The following NLRC3 variants were observed in gnomAD, a reference collection of about 807,000 sequenced individuals.
NLRC3 encodes NLR family CARD domain-containing protein 3.
A neutral mutation model predicts 91.6 loss-of-function variants in NLRC3; 87 were observed. The ratio of observed to expected loss-of-function variants is 0.95; its 90% confidence interval spans 0.80 to 1.14. The LOEUF (loss-of-function observed/expected upper bound fraction) is 1.14. Ranked by LOEUF, NLRC3 falls within the 50% of genes most tolerant of loss-of-function variation. The probability of loss-of-function intolerance (pLI) is 0.00; values close to 1 mark genes in which losing one functional copy is unlikely to be tolerated. For missense variants in NLRC3, 1,577 were observed against 1,418.6 expected, an observed-to-expected ratio of 1.11 and a Z score of -1.79; for synonymous variants, 694 against 625.3, an observed-to-expected ratio of 1.11 and a Z score of -1.64.
rs2151101650 is a variant in NLRC3, at chr16:3,564,995, C to G, written c.42G>C (p.Gln14His). The G allele has an allele frequency of 1.2e-6, 2 of 1,610,544 alleles. No homozygotes were observed. Among genetic ancestry groups the G allele is most frequent in the Middle Eastern group, 1.7e-4 (1 of 6,058 alleles). Residue 14 changes from glutamine (Q) to histidine (H), a missense_variant, in exon 4 of 20, where the codon CAG becomes CAC. Physicochemically the swap from Gln to His is conservative, Grantham distance 24. Transcript: ENST00000359128. This position sits in a 1 kb window ranked among gnomAD's most constrained non-coding sequence, Gnocchi z 5.9. ...QEVRTGREAG[Q>H]GHGTGSPAEQ... ...CGGCTGGGGAGCCCGTACCGTGGCC[C>G]TGGCCGGCCTCCCTGCCCGTCCGCA...
chr16:3,571,817 G>A (rs1241020059), intron 1 of NLRC3, among the ~76,000 whole-genome samples: 1 of 151,422 alleles, frequency 6.6e-6, no homozygotes, highest in African/African-American at 2.4e-5. Context: ...GCACGTGCCT[G>A]TAGTCCCGGC....
intron 1 of NLRC3, among the ~76,000 whole-genome samples, chr16:3,571,493 A>G (rs2040094590): frequency 1.3e-5 from 2 of 149,588 alleles, no homozygotes; most frequent in Admixed American, 6.7e-5. Context: ...GCAGTGAGCT[A>G]TGATTGTGCC....
intron 8 of NLRC3, among the ~76,000 whole-genome samples, chr16:3,556,225 G>C (rs2039312007): frequency 7.2e-6 from 1 of 138,756 alleles, no homozygotes. Flanking sequence ...CAGCTACTTG[G>C]AAGGCTGAGG....
Position 3,563,820 on chromosome 16 carries a change from T to G in NLRC3, c.1117A>C (p.Ser373Arg). ...TTGCCCTTCTCCTGCCCCTCCCCGC[T>G]GAGGGCCATCCTAAAGTACCATGAG... ...LYSWYFRMAL[S>R]GEGQEKGKAS... Residue 373 changes from serine (S) to arginine (R), a missense_variant, in exon 5 of 20, where the codon AGC (serine) becomes CGC (arginine). Physicochemically the swap from Ser to Arg is moderately radical, Grantham distance 110 (BLOSUM62 -1). Coordinates refer to ENST00000359128, the MANE Select transcript of NLRC3 (RefSeq NM_178844.4). 1 of 1,609,672 alleles carries G rather than the reference T, an allele frequency of 6.2e-7. No individual in the cohort carries two copies. The highest frequency in any genetic ancestry group is 8.5e-7 in the Non-Finnish European group (1 of 1,177,624).
rs1415592099 is a variant in NLRC3 at position 3,554,286 on chromosome 16, G to C, written c.2223C>G (p.Ser741=). The change falls in exon 9 of 20, where the codon TCC becomes TCG. Residue 741 remains serine, a synonymous_variant. Coordinates refer to ENST00000359128, the MANE Select transcript of NLRC3 (RefSeq NM_178844.4). ...GNTVRDDGAR[S]MAEALASNRT... is the part of the protein sequence containing the mutation. Reference sequence around the variant, plus strand: ...GGTTGGAGGCCAAGGCCTCAGCCATGGACCTGGCACCATCATCCCTAACGG... The same window carrying C: ...GGTTGGAGGCCAAGGCCTCAGCCATCGACCTGGCACCATCATCCCTAACGG... The C allele has an allele frequency of 3.1e-6, 5 of 1,613,866 alleles. No individual in the cohort carries two copies. The highest frequency in any genetic ancestry group is 3.4e-6 in the Non-Finnish European group (4 of 1,179,778).
At chr16:3,551,565 A>T (rs1206878841) in intron 10 of NLRC3, among the ~76,000 whole-genome samples, 1 of 149,890 alleles carries the variant, frequency 6.7e-6, no homozygotes, top group Non-Finnish European at 1.5e-5. Flanking sequence ...CCATCCACCA[A>T]TCCACCCATC....
At chr16:3,543,605 G>A (rs887186038) in intron 16 of NLRC3, 97 bp from the exon 17 acceptor site, 2 of 812,694 alleles carry the variant, frequency 2.5e-6, no homozygotes, top group South Asian at 2.9e-5. Context: ...AGGATGGAAA[G>A]TGGAGAAACA....
At chr16:3,572,308 T>TA (rs1359188611) in intron 1 of NLRC3, among the ~76,000 whole-genome samples, 3 of 152,148 alleles carry the variant, frequency 2.0e-5, no homozygotes, top group Admixed American at 2.0e-4. Flanking sequence ...GGGAAATTTT[T>TA]TTTTTTTTTG....
Position 3,557,613 on chromosome 16 carries a change from G to T in NLRC3, c.2079C>A (p.Asn693Lys), listed in dbSNP as rs369787911. 7.4e-6 allele frequency: 12 copies of T among 1,612,538 alleles called. No individual in the cohort carries two copies. The highest frequency in any genetic ancestry group is 1.1e-5 in the South Asian group (1 of 90,978). ...CTTACTCCAGAGAGGTCAGACTTCT[G>T]TTGACCAAGAGGGATCTGGCCAGAG... Reference protein sequence around the residue: ...AKALARSLLVNRSLTSLDLRG... With the variant: ...AKALARSLLVKRSLTSLDLRG... The change falls in exon 7 of 20, where the codon AAC becomes AAA. Residue 693 changes from asparagine to lysine, a missense_variant. Transcript: ENST00000359128.
intron 16 of NLRC3, 44 bp downstream of exon 16, chr16:3,544,202 C>T (rs760938214): frequency 2.0e-5 from 24 of 1,190,782 alleles, no homozygotes; most frequent in East Asian, 9.4e-5. Flanking sequence ...GAAAGGATGG[C>T]GAAGGGACCG....
At chr16:3,569,405 T>TA (rs1567154048) in intron 1 of NLRC3, among the ~76,000 whole-genome samples, 1 of 106,698 alleles carries the variant, frequency 9.4e-6, no homozygotes, top group East Asian at 2.5e-4. Context: ...TTATTTTTTT[T>TA]TTTTTTTTTT....
intron 1 of NLRC3, among the ~76,000 whole-genome samples, chr16:3,570,321 G>A (rs2040054938): frequency 6.6e-6 from 1 of 152,126 alleles, no homozygotes; most frequent in African/African-American, 2.4e-5. Context: ...TTACTTTTTA[G>A]CATATATTGA....
intron 1 of NLRC3, among the ~76,000 whole-genome samples, chr16:3,573,323 G>A (rs989109507): frequency 6.6e-6 from 1 of 152,022 alleles, no homozygotes; most frequent in African/African-American, 2.4e-5. Flanking sequence ...GCTACTCAAG[G>A]AAGCTGAGGT....
intron 1 of NLRC3, among the ~76,000 whole-genome samples, chr16:3,572,742 G>T (rs1396422682): frequency 6.6e-6 from 1 of 152,120 alleles, no homozygotes; most frequent in African/African-American, 2.4e-5. Flanking sequence ...GCCAGGCGCG[G>T]TGACTCACAC....
At chr16:3,548,939 C>T (rs377552826) in intron 13 of NLRC3, among the ~76,000 whole-genome samples, 186 bp from the exon 14 acceptor site, 5 of 152,320 alleles carry the variant, frequency 3.3e-5, no homozygotes, top group South Asian at 2.1e-4. Context: ...AAGCAGACGG[C>T]GTCACACTAG....
Position 3,562,994 on chromosome 16 carries a change from T to A in NLRC3, c.1928+15A>T. 1 of 1,548,068 alleles carries A rather than the reference T, an allele frequency of 6.5e-7. No homozygotes were observed. Among genetic ancestry groups the A allele is most frequent in the Non-Finnish European group, 8.7e-7 (1 of 1,146,680 alleles). ...TGCCCCTTCCCCAGCCCCTGCCCCC[T>A]GCCCTGGTATCCACCTGAGCTTCCG... On this transcript the variant is annotated intron_variant, in intron 5 of 19. Transcript: ENST00000359128.
At chr16:3,561,151 G>A (rs1259170419) in intron 6 of NLRC3, among the ~76,000 whole-genome samples, 4 of 151,440 alleles carry the variant, frequency 2.6e-5, no homozygotes, top group Non-Finnish European at 4.4e-5. Flanking sequence ...GGAGTTCGAG[G>A]CCAGCCTGGT....
intron 8 of NLRC3, among the ~76,000 whole-genome samples, chr16:3,556,645 C>T (rs1388727560): frequency 6.6e-6 from 1 of 152,174 alleles, no homozygotes; most frequent in African/African-American, 2.4e-5. Flanking sequence ...GCTGGGATTA[C>T]AGGCACCTGC....
chr16:3,567,631 G>A (rs1489384203), intron 1 of NLRC3, among the ~76,000 whole-genome samples: 1 of 151,808 alleles, frequency 6.6e-6, no homozygotes, highest in Non-Finnish European at 1.5e-5. Flanking sequence ...AATGAGCTGG[G>A]CATGGTGGTG....
Sources: allele counts gnomAD v4.1 joint callset (sites outside exome capture counted in the v4.1 genomes callset), GRCh38; gene constraint gnomAD v4.1.1; non-coding constraint Gnocchi (gnomAD v3.1); transcripts MANE v1.5; gene names NCBI Gene and HGNC (gene_info 2026-07-23, HGNC 2026-07-21).